SPATA17: variants seen among roughly 807,000 people sequenced by gnomAD.
SPATA17 encodes the protein spermatogenesis associated 17, also known as spermatogenesis-associated protein 17.
SPATA17 carries 53 observed loss-of-function variants against 62.2 expected under a neutral mutation model. The ratio of observed to expected loss-of-function variants is 0.85; its 90% confidence interval spans 0.68 to 1.07. The LOEUF is 1.07. Among genes scored for constraint, SPATA17 ranks in the 50% least tolerant of loss-of-function variants. The probability of loss-of-function intolerance (pLI) is 0.00; values close to 1 mark genes in which losing one functional copy is unlikely to be tolerated. For missense variants in SPATA17, 466 were observed against 425.5 expected, an observed-to-expected ratio of 1.10 and a Z score of -0.84; for synonymous variants, 146 against 146.8, an observed-to-expected ratio of 0.99 and a Z score of 0.04.
At chr1:217,640,393 G>A (rs576912098) in intron 1 of SPATA17, among the ~76,000 whole-genome samples, 40 of 151,028 alleles carry the variant, frequency 2.6e-4, no homozygotes, top group Non-Finnish European at 3.0e-4. Context: ...TAACAAGTTC[G>A]CAGGATGCAA....
chr1:217,744,317 G>T lies in SPATA17; in HGVS notation c.519+2219G>T, dbSNP rs1178611655. ...CTCTACTAAAAATACAAAAAAATTA[G>T]CCGGGCGTAGTGGCGGGCGCCTGTA... On this transcript the variant is annotated intron_variant, in intron 6 of 10. Coordinates refer to ENST00000366933, the MANE Select transcript of SPATA17 (RefSeq NM_138796.4). Among the ~76,000 whole-genome samples the T allele has an allele frequency of 2.0e-5, 2 of 98,552 alleles. 1 individual carries two copies. Among genetic ancestry groups the T allele is most frequent in the Non-Finnish European group, 5.1e-5 (2 of 39,066 alleles). 64.7% of individuals were successfully genotyped at this position (98,552 alleles called of 152,430 possible). A position where few individuals can be genotyped will look rare whatever the true frequency, so the allele number is the denominator to read the frequency against.
intron 1 of SPATA17, among the ~76,000 whole-genome samples, chr1:217,645,711 TTA>T (rs1434233872): frequency 6.6e-6 from 1 of 152,196 alleles, no homozygotes; most frequent in Non-Finnish European, 1.5e-5. Context: ...CTACTGGACA[TTA>T]TGTTGTTGTA....
chr1:217,790,464 A>G (rs1347712846), intron 8 of SPATA17, among the ~76,000 whole-genome samples: 1 of 151,964 alleles, frequency 6.6e-6, no homozygotes, highest in Non-Finnish European at 1.5e-5. Flanking sequence ...TTTTTGAGAC[A>G]GAGTCTTGCT....
intron 6 of SPATA17, among the ~76,000 whole-genome samples, chr1:217,749,710 C>T (rs1055753753): frequency 6.6e-6 from 1 of 151,692 alleles, no homozygotes; most frequent in African/African-American, 2.4e-5. Flanking sequence ...TATTTACCAC[C>T]ATCAGATAAA....
At chr1:217,842,213 T>G in intron 9 of SPATA17, among the ~76,000 whole-genome samples, 1 of 152,186 alleles carries the variant, frequency 6.6e-6, no homozygotes, top group South Asian at 2.1e-4. Context: ...TTCAATTTGC[T>G]AATACTTTAT....
At chr1:217,666,281 C>T (rs1175906876) in intron 3 of SPATA17, among the ~76,000 whole-genome samples, 1 of 151,980 alleles carries the variant, frequency 6.6e-6, no homozygotes, top group African/African-American at 2.4e-5. Context: ...GCTTTCCTCA[C>T]CCAATTTCAT....
At chr1:217,775,714 A>G (rs1337561369) in intron 7 of SPATA17, among the ~76,000 whole-genome samples, 1 of 152,062 alleles carries the variant, frequency 6.6e-6, no homozygotes, top group East Asian at 1.9e-4. Flanking sequence ...GAGAGAGTCT[A>G]TAATCTATCT....
chr1:217,830,474 G>A lies in SPATA17; in HGVS notation c.1005+28624G>A, dbSNP rs144583770. 2.3e-4 allele frequency among the ~76,000 whole-genome samples: 35 copies of A among 152,124 alleles called. No individual in the cohort carries two copies. The East Asian group carries it at 6.4e-3, about 28-fold the overall frequency. ...GCTCCATTCATCTGTGTCAAATCCT[G>A]GGCTTCCTGCTTAAAAATTCCCTTG... On this transcript the variant is annotated intron_variant, in intron 9 of 10. Coordinates refer to ENST00000366933, the MANE Select transcript of SPATA17 (RefSeq NM_138796.4).
At position 217,712,128 on chromosome 1, in the gene SPATA17, C is replaced by T. The variant is rs890713380; in HGVS notation, c.395+28767C>T. 7.2e-3 allele frequency among the ~76,000 whole-genome samples: 960 copies of T among 134,102 alleles called. 17 individuals are homozygous for T. The highest frequency in any genetic ancestry group is 9.4e-3 in the Non-Finnish European group (604 of 64,226). The allele number at this position is 134,102 out of a possible 152,430, so 88.0% of individuals were successfully genotyped here. On this transcript the variant is annotated intron_variant, in intron 5 of 10. Transcript: ENST00000366933. ...GGACCCTTAAGTTCTACAATATGTT[C>T]TTTTGTTTTTTTTTTTTTACGGAGT...
intron 6 of SPATA17, among the ~76,000 whole-genome samples, chr1:217,767,135 G>A (rs913365145): frequency 1.3e-5 from 2 of 151,864 alleles, no homozygotes; most frequent in African/African-American, 2.4e-5. Flanking sequence ...AATTTTATAG[G>A]GTAGAGTGTA....
rs530249158 is a variant in SPATA17 at position 217,764,339 on chromosome 1, C to G, written c.520-9995C>G. On this transcript the variant is annotated intron_variant, in intron 6 of 10. Transcript: ENST00000366933. ...AGAATGTCAGATTGTTGGAGTCATA[C>G]AGCCTTTTAAGATTGGCTTCTTTCA... is the stretch of plus-strand genomic sequence containing the variant. Among the ~76,000 whole-genome samples, 3 of 152,268 alleles carry G rather than the reference C, an allele frequency of 2.0e-5. No homozygotes were observed. The South Asian group carries it at 6.2e-4, about 32-fold the overall frequency.
chr1:217,683,326 C>T lies in SPATA17; in HGVS notation c.360C>T (p.Tyr120=), dbSNP rs752471214. Reference sequence around the variant, plus strand: ...TTAATTATTATTATTTGAAAGAGTACCTGAAAGTCGTTTCAGAGACCAATG... The same window carrying T: ...TTAATTATTATTATTTGAAAGAGTATCTGAAAGTCGTTTCAGAGACCAATG... ...YLFNYYYLKE[Y]LKVVSETNDA... is the part of the protein sequence containing the mutation. The change falls in exon 5 of 11, where the codon TAC becomes TAT. Residue 120 remains tyrosine (Y), a synonymous_variant. Transcript: ENST00000366933. 6.2e-7 allele frequency: 1 copy of T among 1,609,520 alleles called. No homozygotes were observed. The highest frequency in any genetic ancestry group is 8.5e-7 in the Non-Finnish European group (1 of 1,177,880).
chr1:217,793,602 A>T (rs928415201), intron 8 of SPATA17, among the ~76,000 whole-genome samples: 1 of 152,096 alleles, frequency 6.6e-6, no homozygotes, highest in East Asian at 1.9e-4. Flanking sequence ...TCTCAATCAC[A>T]GTTAGTTTGG....
chr1:217,752,793 G>C lies in SPATA17; in HGVS notation c.519+10695G>C, dbSNP rs995362437. Among the ~76,000 whole-genome samples, 8 of 152,102 alleles carry C rather than the reference G, an allele frequency of 5.3e-5. No individual in the cohort carries two copies. In the South Asian group the frequency reaches 6.2e-4, roughly 12 times the overall value. On this transcript the variant is annotated intron_variant, in intron 6 of 10. Transcript: ENST00000366933. ...TCCCCCACTTCTCACAGACTTCCAT[G>C]ATGAGGCACTTTAGGATGTCCTATT...
intron 9 of SPATA17, among the ~76,000 whole-genome samples, chr1:217,802,440 C>G (rs1332929885): frequency 6.6e-5 from 10 of 152,180 alleles, no homozygotes; most frequent in Admixed American, 6.5e-4. Context: ...TGGCTTCAAG[C>G]ACAGACATTT....
intron 5 of SPATA17, among the ~76,000 whole-genome samples, chr1:217,731,385 G>A (rs563240880): frequency 6.6e-6 from 1 of 151,974 alleles, no homozygotes; most frequent in Non-Finnish European, 1.5e-5. Flanking sequence ...AGCTGAGCAT[G>A]TTTAGATAAA....
intron 6 of SPATA17, among the ~76,000 whole-genome samples, chr1:217,771,633 A>G (rs1161407765): frequency 6.6e-6 from 1 of 152,182 alleles, no homozygotes; most frequent in Non-Finnish European, 1.5e-5. Context: ...TATTAAATTA[A>G]TTTCTAAAAT....
At chr1:217,650,116 T>C (rs1670276271) in intron 2 of SPATA17, among the ~76,000 whole-genome samples, 1 of 151,880 alleles carries the variant, frequency 6.6e-6, no homozygotes, top group South Asian at 2.1e-4. Flanking sequence ...ATTTTGTATA[T>C]TTAGTAGAGG....
At chr1:217,638,377 G>A (rs763582665) in intron 1 of SPATA17, among the ~76,000 whole-genome samples, 11 of 152,078 alleles carry the variant, frequency 7.2e-5, no homozygotes, top group African/African-American at 2.4e-4. Context: ...TGTGCTGCTG[G>A]AATACAATAG....
Sources: allele counts gnomAD v4.1 joint callset (sites outside exome capture counted in the v4.1 genomes callset), GRCh38; gene constraint gnomAD v4.1.1; transcripts MANE v1.5; gene names NCBI Gene and HGNC (gene_info 2026-07-23, HGNC 2026-07-21).